KIDINS220: variants seen among roughly 807,000 people sequenced by gnomAD.
The protein encoded by KIDINS220 is kinase D interacting substrate 220.
In KIDINS220, 63 loss-of-function variants were observed where a neutral mutation model predicts 157.6. That is an observed-to-expected ratio of 0.40 (90% CI 0.33 to 0.49). The LOEUF is 0.49. Ranked by LOEUF, KIDINS220 falls within the 20% of genes least tolerant of loss-of-function variation. The pLI, the probability that KIDINS220 is intolerant of heterozygous loss-of-function variation, is 0.66. For missense variants in KIDINS220, 1,772 were observed against 2,171.2 expected (o/e 0.82, Z 3.65); for synonymous variants, 732 against 783.6 (o/e 0.93, Z 1.10).
At position 8,786,416 on chromosome 2, in the gene KIDINS220, A is replaced by G. The variant is rs1672405339; in HGVS notation, c.1788-59T>C. 1.8e-5 allele frequency: 23 copies of G among 1,308,330 alleles called. No homozygotes were observed. In the Admixed American group the frequency reaches 4.1e-4, roughly 23 times the overall value. The allele number at this position is 1,308,330 out of a possible 1,614,324, so 81.0% of individuals were successfully genotyped here. On this transcript the variant is annotated intron_variant, in intron 15 of 29. Transcript: ENST00000256707. ...TTATCTAAAGTAACAAATAACTTCA[A>G]TGTATGTCATCTTTGCATCACTTAC...
intron 27 of KIDINS220, among the ~76,000 whole-genome samples, chr2:8,735,270 G>A (rs535537243): frequency 3.3e-5 from 5 of 152,288 alleles, no homozygotes; most frequent in South Asian, 2.1e-4. Context: ...GGTGGCTCAC[G>A]CATGTAATCC....
intron 7 of KIDINS220, among the ~76,000 whole-genome samples, 153 bp downstream of exon 7, chr2:8,806,118 A>C (rs192084246): frequency 2.0e-5 from 3 of 152,176 alleles, no homozygotes; most frequent in African/African-American, 4.8e-5. Flanking sequence ...ATAATATAAC[A>C]TTCTTAGAGT....
chr2:8,810,478 C>A (rs1676127644), intron 6 of KIDINS220, among the ~76,000 whole-genome samples: 1 of 152,138 alleles, frequency 6.6e-6, no homozygotes, highest in African/African-American at 2.4e-5. Flanking sequence ...ATAAAGGCTT[C>A]TCTATGATAA....
rs751593396 is a variant in KIDINS220, at chr2:8,731,290, A to C, written c.4746T>G (p.Asp1582Glu). The C allele has an allele frequency of 3.7e-6, 6 of 1,613,956 alleles. No individual in the cohort carries two copies. In the African/African-American group the frequency reaches 6.7e-5, roughly 18 times the overall value. The change falls in exon 30 of 30, where the codon GAT (aspartate) becomes GAG (glutamate). Residue 1582 changes from aspartate to glutamate, a missense_variant. Coordinates refer to ENST00000256707, the MANE Select transcript of KIDINS220 (RefSeq NM_020738.4). The surrounding 1 kb of genome is among the most constrained non-coding windows in gnomAD (Gnocchi z 5.2). The stretch of plus-strand genomic sequence containing the variant: ...TGGATCTCACTCCTGAATCCGATGA[A>C]TCCTTTTTGTCAAGGAGCGCATCCG... ...YLSDALLDKK[D>E]SSDSGVRSSE...
At chr2:8,834,031 G>C (rs921082705) in intron 1 of KIDINS220, among the ~76,000 whole-genome samples, 7 of 152,126 alleles carry the variant, frequency 4.6e-5, no homozygotes, top group Non-Finnish European at 8.8e-5. Flanking sequence ...GTAAGTTCCT[G>C]AATGTGGCCC....
chr2:8,772,814 G>C (rs1338303361), intron 21 of KIDINS220, among the ~76,000 whole-genome samples: 3 of 94,182 alleles, frequency 3.2e-5, no homozygotes, highest in African/African-American at 8.1e-5. Flanking sequence ...TCTCTCTATT[G>C]AATGACTTTC....
Position 8,793,944 on chromosome 2 carries a change from C to A in KIDINS220, c.1142G>T (p.Arg381Leu), listed in dbSNP as rs1286682721. Residue 381 changes from arginine to leucine, a missense_variant, in exon 12 of 30, where the codon CGG (arginine) becomes CTG (leucine). Physicochemically the swap from Arg to Leu is moderately radical, Grantham distance 102 (BLOSUM62 -2). This residue lies in a region of KIDINS220 where 725 missense variants were observed against 1,017.1 expected (regional missense o/e 0.71). Transcript: ENST00000256707. ...TCTTAAAAGCAGTTCTGCCAGTTTC[C>A]GGCTCCTTCCACGAATAGCAATATG... ...PLHIAIRGRS[R>L]KLAELLLRNP... 6.2e-7 allele frequency: 1 copy of A among 1,613,380 alleles called. No homozygotes were observed. Among genetic ancestry groups the A allele is most frequent in the Non-Finnish European group, 8.5e-7 (1 of 1,179,880 alleles).
chr2:8,814,575 T>C (rs1487857972), intron 4 of KIDINS220, among the ~76,000 whole-genome samples: 4 of 152,168 alleles, frequency 2.6e-5, no homozygotes, highest in African/African-American at 9.7e-5. Flanking sequence ...GTACAACATA[T>C]GAGGGAAACA....
intron 17 of KIDINS220, among the ~76,000 whole-genome samples, chr2:8,784,603 A>C (rs1572645022): frequency 6.6e-6 from 1 of 152,226 alleles, no homozygotes; most frequent in Admixed American, 6.5e-5. Flanking sequence ...ATAAGCCAAG[A>C]CCTTCACAGC....
At chr2:8,837,185 C>T (rs1680539642) in intron 1 of KIDINS220, among the ~76,000 whole-genome samples, 1 of 152,206 alleles carries the variant, frequency 6.6e-6, no homozygotes, top group African/African-American at 2.4e-5. Context: ...TACCAACACC[C>T]TTCACCCCAA....
intron 22 of KIDINS220, 127 bp from the exon 23 acceptor site, chr2:8,751,771 C>T: frequency 1.5e-6 from 1 of 653,384 alleles, no homozygotes; most frequent in Non-Finnish European, 2.6e-6. Flanking sequence ...TCTAATTACA[C>T]ATCGGCTCAC....
At chr2:8,826,857 T>A (rs1408254793) in intron 2 of KIDINS220, 129 bp downstream of exon 2, 157 of 417,736 alleles carry the variant, frequency 3.8e-4, no homozygotes, top group Non-Finnish European at 3.4e-5. Flanking sequence ...TATAAGACAT[T>A]CTATCATAAG....
chr2:8,813,799 C>T (rs1219324226), intron 4 of KIDINS220, among the ~76,000 whole-genome samples: 1 of 151,992 alleles, frequency 6.6e-6, no homozygotes, highest in Non-Finnish European at 1.5e-5. Flanking sequence ...TGGCGTGTGC[C>T]TGTAGTCCCA....
chr2:8,796,676 C>A, intron 11 of KIDINS220, 95 bp downstream of exon 11: 1 of 941,340 alleles, frequency 1.1e-6, no homozygotes, highest in Non-Finnish European at 1.7e-6. Flanking sequence ...TCTCCCCACA[C>A]AACCTAAAAT....
intron 14 of KIDINS220, among the ~76,000 whole-genome samples, chr2:8,789,344 GTGGCGCCATCTCGGCTCAC>G (rs148967763): frequency 0.43 from 61,701 of 141,946 alleles, 14,683 homozygotes; most frequent in East Asian, 0.59. Context: ...CTGGAGAGCA[GTGGCGCCATCTCGGCTCAC>G]TGCAACCTCC....
At chr2:8,769,476 T>C (rs1447852518) in intron 22 of KIDINS220, among the ~76,000 whole-genome samples, 1 of 152,202 alleles carries the variant, frequency 6.6e-6, no homozygotes, top group Non-Finnish European at 1.5e-5. Context: ...TACACACAAA[T>C]GATAACAACA....
At position 8,779,167 on chromosome 2, in the gene KIDINS220, A is replaced by G. The variant is rs116786373; in HGVS notation, c.2371-28T>C. Reference sequence around the variant, plus strand: ...GTGGCAGAAGAAATGTACAGTTGTGACATACATTTTAAATTGTCCAAAAGA... The same window carrying G: ...GTGGCAGAAGAAATGTACAGTTGTGGCATACATTTTAAATTGTCCAAAAGA... On this transcript the variant is annotated intron_variant, in intron 18 of 29. Coordinates refer to ENST00000256707, the MANE Select transcript of KIDINS220 (RefSeq NM_020738.4). 3,305 of 1,605,070 alleles carry G rather than the reference A, an allele frequency of 2.1e-3. 61 individuals are homozygous for G. In the African/African-American group the frequency reaches 0.038, roughly 18 times the overall value.
intron 26 of KIDINS220, among the ~76,000 whole-genome samples, chr2:8,744,491 T>C (rs1666275127): frequency 7.2e-6 from 1 of 138,558 alleles, no homozygotes; most frequent in Non-Finnish European, 1.5e-5. Context: ...TAACCCCTTA[T>C]GGCCTGGCTT....
At chr2:8,814,257 C>G (rs537254661) in intron 4 of KIDINS220, among the ~76,000 whole-genome samples, 46 of 152,224 alleles carry the variant, frequency 3.0e-4, no homozygotes, top group African/African-American at 1.1e-3. Context: ...TAAAAAAGAC[C>G]AATGTAATCA....
Sources: gnomAD v4.1 joint callset for allele counts (sites outside exome capture counted in the v4.1 genomes callset) on GRCh38, gnomAD v4.1.1 for gene constraint, gnomAD v4.1.1 regional missense constraint, Gnocchi (gnomAD v3.1) non-coding constraint, MANE v1.5 for transcripts, NCBI Gene and HGNC (gene_info 2026-07-23, HGNC 2026-07-21) for gene names.